Variants in RGS6 observed in about 807,000 individuals in gnomAD.
RGS6 encodes regulator of G protein signaling 6, also known as regulator of G-protein signaling 6.
A neutral mutation model predicts 78.5 loss-of-function variants in RGS6; 30 were observed. The ratio of observed to expected loss-of-function variants is 0.38; its 90% CI spans 0.29 to 0.52. The LOEUF (loss-of-function observed/expected upper bound fraction) is 0.52. Ranked by LOEUF, RGS6 falls within the 20% of genes least tolerant of loss-of-function variation. The probability of loss-of-function intolerance (pLI) is 0.85; values close to 1 mark genes in which losing one functional copy is unlikely to be tolerated. For synonymous variants in RGS6, 206 were observed against 206.0 expected (o/e 1.00, Z 0.00); for missense variants, 495 against 609.7 (o/e 0.81, Z 1.98).
At chr14:72,222,627 G>GTCATTGAT (rs1268134384) in intron 2 of RGS6, among the ~76,000 whole-genome samples, 1 of 152,196 alleles carries the variant, frequency 6.6e-6, no homozygotes, top group African/African-American at 2.4e-5. Context: ...AAAACAAAAA[G>GTCATTGAT]TCATTGATTC....
the RGS6 span, among the ~76,000 whole-genome samples, chr14:72,585,339 A>C: frequency 5.9e-5 from 9 of 152,228 alleles, no homozygotes; most frequent in Non-Finnish European, 1.3e-4. Context: ...TAGACATTGC[A>C]GGCATGAGTT....
intron 2 of RGS6, among the ~76,000 whole-genome samples, chr14:71,976,315 G>A (rs2094125364): frequency 6.7e-6 from 1 of 149,590 alleles, no homozygotes; most frequent in Non-Finnish European, 1.5e-5. Context: ...CATTGTGCAG[G>A]TTAGTTACAT....
chr14:72,533,815 AC>A (rs2153492238), intron 15 of RGS6, among the ~76,000 whole-genome samples: 1 of 152,346 alleles, frequency 6.6e-6, no homozygotes, highest in Non-Finnish European at 1.5e-5. Flanking sequence ...TCATAATAAA[AC>A]TTTAATGAAT....
At chr14:72,366,722 C>T (rs1398725773) in intron 3 of RGS6, among the ~76,000 whole-genome samples, 1 of 152,158 alleles carries the variant, frequency 6.6e-6, no homozygotes, top group Non-Finnish European at 1.5e-5. Flanking sequence ...CAAAGATGAT[C>T]ACTGGAGCCA....
chr14:72,569,548 C>G (rs56754001), downstream of RGS6, among the ~76,000 whole-genome samples: 18,142 of 152,024 alleles, frequency 0.12, 1,173 homozygotes, highest in Middle Eastern at 0.2. Flanking sequence ...GGCGTGGTGG[C>G]AGGCACCTGT....
At chr14:72,470,119 A>C in intron 8 of RGS6, 36 bp downstream of exon 8, 1 of 1,486,298 alleles carries the variant, frequency 6.7e-7, no homozygotes, top group Non-Finnish European at 9.4e-7. Flanking sequence ...TCAGAGAGGA[A>C]AAGACTCTGG....
the RGS6 span, among the ~76,000 whole-genome samples, chr14:71,895,732 G>T: frequency 6.6e-6 from 1 of 152,154 alleles, no homozygotes; most frequent in Non-Finnish European, 1.5e-5. Context: ...AGTCCTTAGG[G>T]CTAGCAACAG....
At chr14:72,348,889 G>A (rs1456596739) in intron 2 of RGS6, among the ~76,000 whole-genome samples, 2 of 152,094 alleles carry the variant, frequency 1.3e-5, no homozygotes, top group Admixed American at 6.5e-5. Context: ...ATTTATGGCC[G>A]GGCGTGGTGG....
At chr14:72,182,508 G>A (rs533882765) in intron 2 of RGS6, among the ~76,000 whole-genome samples, 6 of 151,942 alleles carry the variant, frequency 3.9e-5, no homozygotes, top group African/African-American at 1.4e-4. Flanking sequence ...AAAATGCTAG[G>A]TTGCACTCCT....
chr14:71,990,852 A>G (rs1043484037), intron 2 of RGS6: 1 of 455,896 alleles, frequency 2.2e-6, no homozygotes, highest in African/African-American at 2.0e-5. Flanking sequence ...AACATAGCTT[A>G]TTTCTTGCCC....
intron 17 of RGS6, chr14:72,540,949 C>A: frequency 8.2e-7 from 1 of 1,224,976 alleles, no homozygotes; most frequent in Non-Finnish European, 1.0e-6. Context: ...ATGGCTGAGA[C>A]TCTCTACCAT....
At chr14:72,136,244 A>G (rs139366871) in intron 2 of RGS6, among the ~76,000 whole-genome samples, 299 of 152,250 alleles carry the variant, frequency 2.0e-3, no homozygotes, top group African/African-American at 6.9e-3. Flanking sequence ...GACACTCTCT[A>G]TATTGATAAC....
At chr14:72,087,184 G>A (rs2095077090) in intron 2 of RGS6, among the ~76,000 whole-genome samples, 1 of 152,140 alleles carries the variant, frequency 6.6e-6, no homozygotes, top group Admixed American at 6.6e-5. Context: ...AAGCTGGAGT[G>A]CAGTGCCACG....
chr14:72,194,905 C>A (rs1599242039), intron 2 of RGS6, among the ~76,000 whole-genome samples: 1 of 151,910 alleles, frequency 6.6e-6, no homozygotes, highest in Non-Finnish European at 1.5e-5. Context: ...AATGAGAGGT[C>A]TATAAAGATT....
chr14:72,552,022 T>C (rs1166802645), intron 17 of RGS6, among the ~76,000 whole-genome samples: 2 of 152,238 alleles, frequency 1.3e-5, no homozygotes, highest in African/African-American at 4.8e-5. Context: ...CATTATGATA[T>C]TATTTGCAGC....
At chr14:71,902,938 A>C in the RGS6 span, among the ~76,000 whole-genome samples, 38 of 152,348 alleles carry the variant, frequency 2.5e-4, no homozygotes, top group African/African-American at 8.2e-4. Context: ...CGGTTTCTAA[A>C]CCTGGGATCA....
chr14:72,234,095 A>G lies in RGS6; in HGVS notation c.85-118000A>G, dbSNP rs528845108. Among the ~76,000 whole-genome samples the G allele has an allele frequency of 4.6e-5, 7 of 152,172 alleles. No individual in the cohort carries two copies. In the South Asian group the frequency reaches 1.2e-3, roughly 27 times the overall value. The stretch of plus-strand genomic sequence containing the variant: ...ATTCTTAGAGTGTTGTGTGGCTTAT[A>G]TATTTTATTAAGCACCTGTGTTCTA... On this transcript the variant is annotated intron_variant, in intron 2 of 17. Coordinates refer to ENST00000553525, the MANE Select transcript of RGS6 (RefSeq NM_001204424.2).
intron 2 of RGS6, among the ~76,000 whole-genome samples, chr14:72,091,329 C>A (rs2095263195): frequency 1.3e-5 from 2 of 152,236 alleles, no homozygotes; most frequent in Admixed American, 1.3e-4. Context: ...ACTGAGGATG[C>A]ATTTTCCCTT....
rs2097701855 is a variant in RGS6 at position 72,564,723 on chromosome 14, A to ACTGGT, written c.*2259_*2263dup. ...CCCTCTGTGCCCCCTTCTCCTTCTGACTGGTCTCACCCTGGAGATCCCCAG... is the reference window on the plus strand; with the variant it reads ...CCCTCTGTGCCCCCTTCTCCTTCTGACTGGTCTGGTCTCACCCTGGAGATCCCCAG... On this transcript the variant is annotated 3_prime_UTR_variant, in exon 18 of 18. Coordinates refer to ENST00000553525, the MANE Select transcript of RGS6 (RefSeq NM_001204424.2). The ACTGGT allele has an allele frequency of 6.6e-6, 1 of 152,196 alleles. No individual in the cohort carries two copies. Among genetic ancestry groups the ACTGGT allele is most frequent in the African/African-American group, 2.4e-5 (1 of 41,394 alleles). 9.4% of individuals were successfully genotyped at this position (152,196 alleles called of 1,614,324 possible).
Sources: allele counts gnomAD v4.1 joint callset (sites outside exome capture counted in the v4.1 genomes callset), GRCh38; gene constraint gnomAD v4.1.1; transcripts MANE v1.5; gene names NCBI Gene and HGNC (gene_info 2026-07-23, HGNC 2026-07-21).